The following DCDC1 variants were observed in gnomAD, a reference collection of about 807,000 sequenced individuals.
DCDC1 encodes the protein doublecortin domain containing 1, also known as doublecortin domain-containing protein 1.
Under a neutral mutation model 178.3 loss-of-function variants are expected in DCDC1, and 200 were observed. The ratio of observed to expected loss-of-function variants is 1.12; its 90% CI spans 1.00 to 1.26. DCDC1 has a LOEUF of 1.26. DCDC1 is among the 50% of genes most tolerant of loss of function. The pLI is 0.00. For missense variants in DCDC1, 1,983 were observed against 1,749.2 expected (o/e 1.13, Z -2.38); for synonymous variants, 690 against 604.8 (o/e 1.14, Z -2.07).
intron 9 of DCDC1, among the ~76,000 whole-genome samples, chr11:31,214,944 T>C (rs1294494110): frequency 6.6e-6 from 1 of 151,714 alleles, no homozygotes; most frequent in Non-Finnish European, 1.5e-5. Context: ...TATTTTTATA[T>C]ATTTAATATT....
At chr11:31,026,952 A>G (rs1953285363) in intron 20 of DCDC1, among the ~76,000 whole-genome samples, 1 of 151,784 alleles carries the variant, frequency 6.6e-6, no homozygotes. Context: ...TACAGCAATG[A>G]AGTACTATAT....
At chr11:31,203,096 G>A (rs533222079) in intron 9 of DCDC1, among the ~76,000 whole-genome samples, 1 of 152,150 alleles carries the variant, frequency 6.6e-6, no homozygotes, top group East Asian at 1.9e-4. Context: ...TTTTCACTTC[G>A]ATGAGACTGC....
chr11:31,110,721 A>C (rs983225991), intron 11 of DCDC1, among the ~76,000 whole-genome samples: 1 of 152,178 alleles, frequency 6.6e-6, no homozygotes, highest in Non-Finnish European at 1.5e-5. Flanking sequence ...AAAAAAAAAA[A>C]AAAGTCAATA....
intron 20 of DCDC1, among the ~76,000 whole-genome samples, chr11:30,978,633 T>G (rs1439775174): frequency 6.6e-6 from 1 of 152,126 alleles, no homozygotes; most frequent in Non-Finnish European, 1.5e-5. Flanking sequence ...ACATTTCAAG[T>G]CTTCCTTTTA....
intron 19 of DCDC1, 38 bp from the exon 20 acceptor site, chr11:31,064,664 C>T: frequency 2.6e-6 from 2 of 761,906 alleles, no homozygotes; most frequent in Non-Finnish European, 4.8e-6. Context: ...AGCTAATTTT[C>T]ATTGAATGGA....
rs1286243617 is a variant in DCDC1, at chr11:31,315,789, A to G, written c.165-7881T>C. 1.2e-4 allele frequency among the ~76,000 whole-genome samples: 12 copies of G among 102,286 alleles called. No individual in the cohort carries two copies. In the East Asian group the frequency reaches 1.9e-3, roughly 16 times the overall value. The allele number at this position is 102,286 out of a possible 152,430, so 67.1% of individuals were successfully genotyped here. On this transcript the variant is annotated intron_variant, in intron 3 of 38. Coordinates refer to ENST00000684477, the MANE Select transcript of DCDC1 (RefSeq NM_001387274.1). Reference sequence around the variant, plus strand: ...CATCTAGCATTAGGTATATCTCCCAATGCTATCCCTCTCCCCTCCCCCGAC... The same window carrying G: ...CATCTAGCATTAGGTATATCTCCCAGTGCTATCCCTCTCCCCTCCCCCGAC...
chr11:31,022,693 T>C (rs1952963859), intron 20 of DCDC1, among the ~76,000 whole-genome samples: 3 of 132,116 alleles, frequency 2.3e-5, no homozygotes, highest in African/African-American at 8.8e-5. Context: ...GTGTGGTATG[T>C]GTTTATCTAT....
At chr11:30,944,752 C>G (rs1310892850) in intron 21 of DCDC1, among the ~76,000 whole-genome samples, 1 of 152,056 alleles carries the variant, frequency 6.6e-6, no homozygotes, top group Non-Finnish European at 1.5e-5. Flanking sequence ...AATACATAGT[C>G]AACTTGTCTA....
chr11:31,038,072 T>TGTGGG (rs1555020526), intron 20 of DCDC1, among the ~76,000 whole-genome samples: 1 of 17,336 alleles, frequency 5.8e-5, no homozygotes, highest in African/African-American at 3.4e-4. Flanking sequence ...TGGGGCCTGT[T>TGTGGG]GTTGGGGGAG....
chr11:31,067,497 TA>T (rs1956312019), intron 18 of DCDC1, among the ~76,000 whole-genome samples: 1 of 152,128 alleles, frequency 6.6e-6, no homozygotes, highest in Non-Finnish European at 1.5e-5. Context: ...CTCAAAATGT[TA>T]AATGTGGACT....
chr11:31,032,403 T>C (rs1418931410), intron 20 of DCDC1, among the ~76,000 whole-genome samples: 2 of 152,190 alleles, frequency 1.3e-5, no homozygotes, highest in African/African-American at 4.8e-5. Flanking sequence ...CTGATTTAAT[T>C]TCCTTTAAAA....
intron 20 of DCDC1, among the ~76,000 whole-genome samples, chr11:31,007,826 C>G (rs1383908444): frequency 6.6e-6 from 1 of 152,028 alleles, no homozygotes; most frequent in East Asian, 1.9e-4. Context: ...CCACACCCAG[C>G]TAATTTTTGT....
intron 20 of DCDC1, among the ~76,000 whole-genome samples, chr11:30,982,951 C>T (rs955704305): frequency 3.9e-5 from 6 of 152,106 alleles, no homozygotes; most frequent in Non-Finnish European, 7.3e-5. Flanking sequence ...AGGGCCCGAC[C>T]GTGCTCCCAT....
intron 9 of DCDC1, among the ~76,000 whole-genome samples, chr11:31,169,647 A>AT (rs1186507217): frequency 6.6e-6 from 1 of 152,154 alleles, no homozygotes; most frequent in Non-Finnish European, 1.5e-5. Context: ...TTCAACAAAT[A>AT]TTTATTATTA....
At chr11:31,241,913 C>A (rs1445723892) in intron 8 of DCDC1, among the ~76,000 whole-genome samples, 2 of 151,964 alleles carry the variant, frequency 1.3e-5, no homozygotes, top group African/African-American at 2.4e-5. Flanking sequence ...CTTATCTTCT[C>A]ATTTATCACA....
intron 1 of DCDC1, among the ~76,000 whole-genome samples, chr11:31,364,365 C>T (rs1276811057): frequency 6.6e-6 from 1 of 151,832 alleles, no homozygotes; most frequent in Non-Finnish European, 1.5e-5. Flanking sequence ...GAGAAAAGGG[C>T]AAACAAGTGA....
intron 3 of DCDC1, among the ~76,000 whole-genome samples, chr11:31,325,389 G>A (rs1949592189): frequency 6.6e-6 from 1 of 152,114 alleles, no homozygotes; most frequent in Admixed American, 6.5e-5. Flanking sequence ...CAGAAATGAG[G>A]CTACATTTTT....
chr11:31,308,203 C>T (rs1271329634), intron 3 of DCDC1, among the ~76,000 whole-genome samples: 1 of 152,172 alleles, frequency 6.6e-6, no homozygotes, highest in South Asian at 2.1e-4. Flanking sequence ...AATCCACATT[C>T]ATAACCATTA....
chr11:31,255,965 T>G (rs1223206828), intron 8 of DCDC1, among the ~76,000 whole-genome samples: 1 of 152,192 alleles, frequency 6.6e-6, no homozygotes, highest in Non-Finnish European at 1.5e-5. Flanking sequence ...GCCCTTTTAT[T>G]TAGATTGCTG....
Sources: gnomAD v4.1 joint callset for allele counts (sites outside exome capture counted in the v4.1 genomes callset) on GRCh38, gnomAD v4.1.1 for gene constraint, MANE v1.5 for transcripts, NCBI Gene and HGNC (gene_info 2026-07-23, HGNC 2026-07-21) for gene names.